GLT1D1: variants seen among roughly 807,000 people sequenced by gnomAD.
GLT1D1 encodes glycosyltransferase 1 domain containing 1.
GLT1D1 carries 21 observed loss-of-function variants against 28.7 expected under a neutral mutation model. The observed-to-expected ratio is 0.73, with a 90% confidence interval of 0.52 to 1.05. The LOEUF is 1.05. Ranked by LOEUF, GLT1D1 falls within the 50% of genes least tolerant of loss-of-function variation. The pLI is 0.00. For missense variants in GLT1D1, 343 were observed against 330.6 expected (o/e 1.04, Z -0.29); for synonymous variants, 147 against 124.8 (o/e 1.18, Z -1.19).
chr12:128,913,166 G>C (rs1402389118), intron 4 of GLT1D1, among the ~76,000 whole-genome samples: 1 of 152,042 alleles, frequency 6.6e-6, no homozygotes, highest in Admixed American at 6.6e-5. Context: ...GCCCAATTCT[G>C]CCCCTATGGT....
intron 4 of GLT1D1, chr12:128,927,131 C>T (rs1873309798): frequency 6.5e-7 from 1 of 1,535,834 alleles, no homozygotes; most frequent in South Asian, 1.2e-5. Context: ...GCCCAATGTG[C>T]ACCTGGTGAT....
At chr12:128,981,805 C>A (rs1880343454) in intron 7 of GLT1D1, among the ~76,000 whole-genome samples, 1 of 152,084 alleles carries the variant, frequency 6.6e-6, no homozygotes, top group Non-Finnish European at 1.5e-5. Context: ...CTCTCAACAC[C>A]CTAGGAAAGA....
intron 1 of GLT1D1, among the ~76,000 whole-genome samples, chr12:128,863,115 G>A (rs1286727135): frequency 6.6e-6 from 1 of 152,188 alleles, no homozygotes; most frequent in African/African-American, 2.4e-5. Context: ...GGAGCCTTCA[G>A]AATGAAGACC....
chr12:128,875,917 C>G lies in GLT1D1; in HGVS notation c.72C>G (p.Ala24=). Residue 24 remains alanine, a synonymous_variant, in exon 2 of 8, where the codon GCC becomes GCG. Transcript: ENST00000281703. ...TTCTCTGTATTTTTTGATAAAGGGC[C>G]CATCTAGAGGCTGCAGGGCACGTGT... 6 of 1,612,110 alleles carry G rather than the reference C, an allele frequency of 3.7e-6. No homozygotes were observed. The highest frequency in any genetic ancestry group is 5.1e-6 in the Non-Finnish European group (6 of 1,179,366).
chr12:128,900,235 C>T (rs1323187255), intron 4 of GLT1D1, among the ~76,000 whole-genome samples: 2 of 152,352 alleles, frequency 1.3e-5, no homozygotes, highest in East Asian at 1.9e-4. Context: ...GCTCCACCAG[C>T]GTTCATCCGC....
At chr12:128,911,529 A>T (rs1871531679) in intron 4 of GLT1D1, among the ~76,000 whole-genome samples, 1 of 152,172 alleles carries the variant, frequency 6.6e-6, no homozygotes, top group Non-Finnish European at 1.5e-5. Flanking sequence ...TAATGCATTG[A>T]TCAGGCTTAG....
At chr12:128,961,248 T>C (rs1877910283) in intron 7 of GLT1D1, among the ~76,000 whole-genome samples, 1 of 152,200 alleles carries the variant, frequency 6.6e-6, no homozygotes, top group Non-Finnish European at 1.5e-5. Flanking sequence ...TCATCTGTTG[T>C]CTGCAAGCTG....
intron 1 of GLT1D1, among the ~76,000 whole-genome samples, chr12:128,867,874 G>A (rs1956587400): frequency 6.6e-6 from 1 of 152,204 alleles, no homozygotes; most frequent in Admixed American, 6.5e-5. Context: ...CTGGAATTCC[G>A]AGGAGGCCAA....
chr12:128,978,858 GA>G (rs1243134618), intron 7 of GLT1D1, among the ~76,000 whole-genome samples: 1 of 152,178 alleles, frequency 6.6e-6, no homozygotes, highest in Non-Finnish European at 1.5e-5. Flanking sequence ...GCAATTTCCT[GA>G]CGTTGCCATA....
intron 4 of GLT1D1, among the ~76,000 whole-genome samples, chr12:128,901,879 C>T (rs932033176): frequency 3.3e-5 from 5 of 151,404 alleles, no homozygotes; most frequent in Non-Finnish European, 5.9e-5. Context: ...TCCCAAAGTG[C>T]TGGGATGACA....
intron 4 of GLT1D1, among the ~76,000 whole-genome samples, chr12:128,906,119 C>T (rs1468877457): frequency 6.6e-6 from 1 of 152,024 alleles, no homozygotes; most frequent in Non-Finnish European, 1.5e-5. Flanking sequence ...GAATTACAGG[C>T]GTGAGCGTCT....
chr12:128,901,160 C>T (rs984064466), intron 4 of GLT1D1, among the ~76,000 whole-genome samples: 1 of 152,198 alleles, frequency 6.6e-6, no homozygotes, highest in African/African-American at 2.4e-5. Flanking sequence ...AAGGCAGTGG[C>T]CCCATCTGTG....
intron 2 of GLT1D1, among the ~76,000 whole-genome samples, chr12:128,880,950 C>A (rs1710805886): frequency 6.6e-6 from 1 of 152,088 alleles, no homozygotes; most frequent in Non-Finnish European, 1.5e-5. Context: ...GTCGGCCGGG[C>A]GCGGTGGCTC....
intron 2 of GLT1D1, among the ~76,000 whole-genome samples, chr12:128,877,375 C>G (rs1029086383): frequency 6.6e-6 from 1 of 152,154 alleles, no homozygotes; most frequent in Non-Finnish European, 1.5e-5. Context: ...GTCACACTTT[C>G]AAAAATTTTA....
chr12:128,856,643 A>G (rs1343784582), intron 1 of GLT1D1, among the ~76,000 whole-genome samples: 2 of 152,194 alleles, frequency 1.3e-5, no homozygotes, highest in Non-Finnish European at 2.9e-5. Context: ...AGCCAGGGTC[A>G]CTGGACTATA....
chr12:128,854,092 C>T (rs1157769491), intron 1 of GLT1D1, among the ~76,000 whole-genome samples: 1 of 152,106 alleles, frequency 6.6e-6, no homozygotes, highest in Non-Finnish European at 1.5e-5. Flanking sequence ...GTGCCGGCGT[C>T]CGGGGTCCTG....
intron 4 of GLT1D1, among the ~76,000 whole-genome samples, chr12:128,923,357 G>T (rs1377603344): frequency 1.3e-5 from 2 of 152,124 alleles, no homozygotes; most frequent in Non-Finnish European, 2.9e-5. Context: ...TCTATTGCAT[G>T]CGTCGTGTAC....
chr12:128,893,882 A>G (rs2135840766), intron 3 of GLT1D1, among the ~76,000 whole-genome samples: 1 of 152,158 alleles, frequency 6.6e-6, no homozygotes, highest in South Asian at 2.1e-4. Flanking sequence ...ATCACGCCCC[A>G]CTAATTGTTC....
At chr12:128,931,917 G>GCACGCGCACGCGCACACACACA (rs1368012620) in intron 4 of GLT1D1, among the ~76,000 whole-genome samples, 1 of 141,002 alleles carries the variant, frequency 7.1e-6, no homozygotes, top group African/African-American at 2.6e-5. Flanking sequence ...ACACACGCAC[G>GCACGCGCACGCGCACACACACA]CACACACACA....
Sources: allele counts gnomAD v4.1 joint callset (sites outside exome capture counted in the v4.1 genomes callset), GRCh38; gene constraint gnomAD v4.1.1; transcripts MANE v1.5; gene names NCBI Gene and HGNC (gene_info 2026-07-23, HGNC 2026-07-21).